Variants in ZC4H2 observed in about 807,000 individuals in gnomAD.
The protein encoded by ZC4H2 is zinc finger C4H2 domain-containing protein.
For synonymous variants in ZC4H2, 84 were observed against 66.3 expected (o/e 1.27, Z -1.30); for missense variants, 137 against 173.9 (o/e 0.79, Z 1.19).
intron 1 of ZC4H2, among the ~76,000 whole-genome samples, chrX:64,924,702 A>G (rs939899979): frequency 8.1e-5 from 9 of 111,310 alleles, no homozygotes; most frequent in African/African-American, 2.9e-4. Flanking sequence ...CACACAGGAG[A>G]ACAGTCCAGA....
chrX:65,013,203 C>G, intron 1 of ZC4H2, among the ~76,000 whole-genome samples: 1 of 112,060 alleles, frequency 8.9e-6, no homozygotes, highest in Non-Finnish European at 1.9e-5. Context: ...CAGTGTCTAA[C>G]CTCCAACCCA....
chrX:65,020,706 G>A (rs969530595), intron 1 of ZC4H2, among the ~76,000 whole-genome samples: 2 of 111,560 alleles, frequency 1.8e-5, no homozygotes, highest in African/African-American at 6.5e-5. Context: ...AAGTAAACGA[G>A]CTAAATGCCC....
intron 1 of ZC4H2, among the ~76,000 whole-genome samples, chrX:64,983,500 C>T (rs1421090678): frequency 1.8e-5 from 2 of 111,408 alleles, no homozygotes; most frequent in Non-Finnish European, 3.8e-5. Flanking sequence ...CAAACAAATG[C>T]ATCATAGATG....
At chrX:64,938,647 A>G (rs769382800) in intron 1 of ZC4H2, among the ~76,000 whole-genome samples, 2 of 112,034 alleles carry the variant, frequency 1.8e-5, no homozygotes, top group Non-Finnish European at 3.8e-5. Context: ...AAATCAATAA[A>G]TGCAATCCAT....
chrX:64,922,482 G>A (rs990611854), intron 1 of ZC4H2, among the ~76,000 whole-genome samples: 13 of 111,220 alleles, frequency 1.2e-4, no homozygotes, highest in Non-Finnish European at 2.1e-4. Context: ...TAAAAGCTCA[G>A]TGGGTCTCGA....
intron 1 of ZC4H2, among the ~76,000 whole-genome samples, chrX:65,016,720 G>T (rs1932800197): frequency 8.9e-6 from 1 of 112,032 alleles, no homozygotes; most frequent in South Asian, 3.7e-4. Flanking sequence ...GTTATTATTA[G>T]TTGGACCAGG....
rs750545546 is a variant in ZC4H2 at position 65,033,084 on chromosome X, A to T, written c.-272+1545T>A. Among the ~76,000 whole-genome samples the T allele has an allele frequency of 3.6e-5, 4 of 112,022 alleles. No individual in the cohort carries two copies. In the Admixed American group the frequency reaches 3.8e-4, roughly 11 times the overall value. On this transcript the variant is annotated intron_variant, in intron 1 of 4. Coordinates refer to the ZC4H2 transcript ENST00000337990. The stretch of plus-strand genomic sequence containing the variant: ...GAGCCACCATGCCTGGCCCTCCACT[A>T]ATGTTTCACTGGCACTTATTATAGG...
intron 1 of ZC4H2, among the ~76,000 whole-genome samples, chrX:64,970,640 AT>A (rs1931751153): frequency 9.0e-6 from 1 of 111,641 alleles, no homozygotes; most frequent in African/African-American, 3.3e-5. Context: ...GGGTATTGTA[AT>A]TCATTTTGAC....
intron 1 of ZC4H2, among the ~76,000 whole-genome samples, chrX:65,001,033 C>A (rs1321189119): frequency 9.0e-6 from 1 of 111,423 alleles, no homozygotes; most frequent in Non-Finnish European, 1.9e-5. Context: ...TCTAGGAGAA[C>A]TTCCCCAACC....
chrX:64,943,936 T>C (rs930357638), intron 1 of ZC4H2, among the ~76,000 whole-genome samples: 2 of 110,865 alleles, frequency 1.8e-5, no homozygotes, highest in Non-Finnish European at 3.8e-5. Flanking sequence ...CATTGGTTTT[T>C]GTATTTTGGT....
intron 1 of ZC4H2, among the ~76,000 whole-genome samples, chrX:65,012,532 T>C (rs1444198741): frequency 1.8e-5 from 2 of 111,580 alleles, no homozygotes; most frequent in Non-Finnish European, 3.8e-5. Flanking sequence ...TACATAATCT[T>C]ACTTCTTCCT....
At chrX:64,993,052 G>A (rs1224354222) in intron 1 of ZC4H2, among the ~76,000 whole-genome samples, 1 of 112,048 alleles carries the variant, frequency 8.9e-6, no homozygotes, top group Non-Finnish European at 1.9e-5. Flanking sequence ...CAAGGCTGTT[G>A]CATCCTCCAC....
At chrX:65,008,558 A>C (rs1932706456) in intron 1 of ZC4H2, among the ~76,000 whole-genome samples, 1 of 112,607 alleles carries the variant, frequency 8.9e-6, no homozygotes, top group East Asian at 2.8e-4. Context: ...CTAAGGAATC[A>C]AACTAAGTGT....
At chrX:64,939,835 GAAA>G (rs1930185664) in intron 1 of ZC4H2, among the ~76,000 whole-genome samples, 1 of 111,538 alleles carries the variant, frequency 9.0e-6, no homozygotes, top group East Asian at 2.8e-4. Flanking sequence ...AATCCTAGAA[GAAA>G]ACCTAGGCAA....
At chrX:65,030,795 A>G (rs966330444) in intron 1 of ZC4H2, among the ~76,000 whole-genome samples, 3 of 111,213 alleles carry the variant, frequency 2.7e-5, no homozygotes, top group African/African-American at 9.8e-5. Context: ...GTATCTGATC[A>G]TTCTGGATAT....
At chrX:65,008,803 G>A (rs191630220) in intron 1 of ZC4H2, among the ~76,000 whole-genome samples, 1 of 111,638 alleles carries the variant, frequency 9.0e-6, no homozygotes, top group Non-Finnish European at 1.9e-5. Context: ...GTTACCAGAG[G>A]CTTGGAAGGG....
intron 1 of ZC4H2, among the ~76,000 whole-genome samples, chrX:64,990,793 A>G (rs774505245): frequency 1.8e-5 from 2 of 110,999 alleles, no homozygotes; most frequent in Non-Finnish European, 3.8e-5. Context: ...TTCCCCTCAG[A>G]TGAATTATTC....
At chrX:64,988,102 T>C (rs1291879369) in intron 1 of ZC4H2, among the ~76,000 whole-genome samples, 1 of 110,067 alleles carries the variant, frequency 9.1e-6, no homozygotes, top group Non-Finnish European at 1.9e-5. Context: ...CCATGGTGCA[T>C]ATGTGCCACG....
chrX:64,976,198 C>T, intron 1 of ZC4H2, 127 bp downstream of exon 1: 1 of 757,946 alleles, frequency 1.3e-6, no homozygotes, highest in Non-Finnish European at 2.0e-6. Context: ...CTCACCTCTC[C>T]GGCAAGTCTG....
Sources: allele counts gnomAD v4.1 joint callset (sites outside exome capture counted in the v4.1 genomes callset), GRCh38; gene constraint gnomAD v4.1.1; transcripts MANE v1.5; gene names NCBI Gene and HGNC (gene_info 2026-07-23, HGNC 2026-07-21).